The following KIAA0586 variants were observed in gnomAD, a reference collection of about 807,000 sequenced individuals.
The protein encoded by KIAA0586 is protein TALPID3.
Under a neutral mutation model 169.8 loss-of-function variants are expected in KIAA0586, and 144 were observed. That is an observed-to-expected ratio of 0.85 (90% CI 0.74 to 0.97). The LOEUF (loss-of-function observed/expected upper bound fraction) is 0.97. Ranked by LOEUF, KIAA0586 falls within the 50% of genes least tolerant of loss-of-function variation. KIAA0586 has a pLI of 0.00. For missense variants in KIAA0586, 1,854 were observed against 1,823.0 expected (o/e 1.02, Z -0.31); for synonymous variants, 625 against 612.4 (o/e 1.02, Z -0.30).
chr14:58,544,093 C>T lies in KIAA0586; in HGVS notation c.4496-3688C>T. On this transcript the variant is annotated intron_variant, in intron 30 of 30. Coordinates refer to ENST00000652326, the MANE Select transcript of KIAA0586 (RefSeq NM_001329943.3). Reference sequence around the variant, plus strand: ...GTTCATGAGTTATCATCATTTAGTTCCCACTTATAAGTGAGAACATGCAGT... The same window carrying T: ...GTTCATGAGTTATCATCATTTAGTTTCCACTTATAAGTGAGAACATGCAGT... 1.3e-5 allele frequency: 4 copies of T among 299,894 alleles called. 1 individual carries two copies. The highest frequency in any genetic ancestry group is 1.2e-4 in the South Asian group (4 of 34,506). The allele number at this position is 299,894 out of a possible 1,614,324, so 18.6% of individuals were successfully genotyped here.
At chr14:58,435,935 C>G (rs974476724) in intron 4 of KIAA0586, among the ~76,000 whole-genome samples, 1 of 152,144 alleles carries the variant, frequency 6.6e-6, no homozygotes. Flanking sequence ...TCTCAAACTC[C>G]TGACCTTAGG....
chr14:58,501,040 T>G (rs563794732), intron 27 of KIAA0586, among the ~76,000 whole-genome samples: 1 of 152,232 alleles, frequency 6.6e-6, no homozygotes, highest in Admixed American at 6.5e-5. Flanking sequence ...TTTGCAAATA[T>G]GTAATTTACA....
At position 58,484,890 on chromosome 14, in the gene KIAA0586, T is replaced by TTATATATATATATTTATATATATTTTTA. The variant is rs1194531919; in HGVS notation, c.3145-2104_3145-2103insTTATATATATTTTTATATATATATATAT. Among the ~76,000 whole-genome samples, 72 of 32,270 alleles carry TTATATATATATATTTATATATATTTTTA rather than the reference T, an allele frequency of 2.2e-3. 5 individuals are homozygous for TTATATATATATATTTATATATATTTTTA. Among genetic ancestry groups the TTATATATATATATTTATATATATTTTTA allele is most frequent in the South Asian group, 4.7e-3 (4 of 844 alleles). The allele number at this position is 32,270 out of a possible 152,430, so 21.2% of individuals were successfully genotyped here. ...AATTTTATATATATTATATATATATTTATATATATATATATATATATATAT... is the reference window on the plus strand; with the variant it reads ...AATTTTATATATATTATATATATATTTATATATATATATTTATATATATTTTTATATATATATATATATATATATATAT... On this transcript the variant is annotated intron_variant, in intron 21 of 30. Coordinates refer to ENST00000652326, the MANE Select transcript of KIAA0586 (RefSeq NM_001329943.3).
chr14:58,537,258 C>A, intron 29 of KIAA0586: 4 of 850,818 alleles, frequency 4.7e-6, no homozygotes, highest in South Asian at 4.8e-5. Context: ...AGACGTATCA[C>A]TGCAGAAGTC....
At chr14:58,440,399 T>A (rs2038222910) in intron 4 of KIAA0586, among the ~76,000 whole-genome samples, 2 of 152,184 alleles carry the variant, frequency 1.3e-5, no homozygotes, top group African/African-American at 4.8e-5. Context: ...TGGTGTGATC[T>A]CTGCTCACTG....
At chr14:58,561,274 C>G in the KIAA0586 span, among the ~76,000 whole-genome samples, 1 of 152,110 alleles carries the variant, frequency 6.6e-6, no homozygotes, top group Non-Finnish European at 1.5e-5. Context: ...CTTTTTCTTG[C>G]TATACATTTA....
Position 58,534,209 on chromosome 14 carries a change from A to G in KIAA0586, c.4430-5862A>G, listed in dbSNP as rs77149050. Among the ~76,000 whole-genome samples, 502 of 152,314 alleles carry G rather than the reference A, an allele frequency of 3.3e-3. 6 individuals carry two copies. The highest frequency in any genetic ancestry group is 0.012 in the African/African-American group (481 of 41,568). On this transcript the variant is annotated intron_variant, in intron 29 of 30. Coordinates refer to ENST00000652326, the MANE Select transcript of KIAA0586 (RefSeq NM_001329943.3). ...AGAGGCACTTAGCTTCAAACTGCTTAGTAAATATTAGGGAGTTACTTTGCC... is the reference window on the plus strand; with the variant it reads ...AGAGGCACTTAGCTTCAAACTGCTTGGTAAATATTAGGGAGTTACTTTGCC...
intron 27 of KIAA0586, among the ~76,000 whole-genome samples, chr14:58,502,512 A>G (rs1473231387): frequency 6.6e-6 from 1 of 152,170 alleles, no homozygotes; most frequent in Non-Finnish European, 1.5e-5. Flanking sequence ...GATAACACAG[A>G]CCAATCATGG....
intron 26 of KIAA0586, among the ~76,000 whole-genome samples, chr14:58,493,598 T>A (rs2042960122): frequency 6.6e-6 from 1 of 152,130 alleles, no homozygotes; most frequent in African/African-American, 2.4e-5. Context: ...AAACTTTAAA[T>A]GATTAGGAAA....
intron 26 of KIAA0586, among the ~76,000 whole-genome samples, chr14:58,494,052 A>G (rs2042994562): frequency 6.6e-6 from 1 of 151,976 alleles, no homozygotes; most frequent in Non-Finnish European, 1.5e-5. Context: ...ATTGTATCAG[A>G]CGTTTTTATC....
In KIAA0586 at chr14:58,432,433, C is replaced by A. The variant is rs763868912; in HGVS notation, c.386C>A (p.Ala129Asp). 2 of 1,568,332 alleles carry A rather than the reference C, an allele frequency of 1.3e-6. No individual in the cohort carries two copies. Among genetic ancestry groups the A allele is most frequent in the Admixed American group, 1.9e-5 (1 of 52,418 alleles). The change falls in exon 4 of 31, where the codon GCT (alanine) becomes GAT (aspartate). Residue 129 changes from alanine (A) to aspartate (D), a missense_variant. Physicochemically the swap from Ala to Asp is moderately radical, Grantham distance 126 (BLOSUM62 -2). Coordinates refer to ENST00000652326, the MANE Select transcript of KIAA0586 (RefSeq NM_001329943.3). Reference protein sequence around the residue: ...ISQYTMGQKDALRTVLKQKAQ... With the variant: ...ISQYTMGQKDDLRTVLKQKAQ... ...CAGTATACAATGGGACAGAAAGATG[C>A]TCTAAGAACAGTTTTAAAGCAAAAG...
At chr14:58,437,204 G>A (rs1333217763) in intron 4 of KIAA0586, among the ~76,000 whole-genome samples, 1 of 152,098 alleles carries the variant, frequency 6.6e-6, no homozygotes, top group East Asian at 1.9e-4. Flanking sequence ...AAGATGATTA[G>A]GAGATTGAAT....
intron 28 of KIAA0586, among the ~76,000 whole-genome samples, chr14:58,512,206 A>G (rs1195109042): frequency 6.6e-6 from 1 of 152,196 alleles, no homozygotes; most frequent in Non-Finnish European, 1.5e-5. Context: ...AATCCATTAT[A>G]TGTATATAAA....
At chr14:58,443,917 A>G (rs1359100789) in intron 5 of KIAA0586, 37 bp from the exon 6 acceptor site, 1 of 1,276,242 alleles carries the variant, frequency 7.8e-7, no homozygotes, top group Non-Finnish European at 1.1e-6. Context: ...TTGGTATCCT[A>G]TAATGTGAAT....
At chr14:58,528,248 AAT>A (rs1352078255) in intron 29 of KIAA0586, among the ~76,000 whole-genome samples, 2 of 152,196 alleles carry the variant, frequency 1.3e-5, no homozygotes, top group African/African-American at 2.4e-5. Context: ...CCCACACAAT[AAT>A]AGTGGGAGAC....
chr14:58,459,909 G>A lies in KIAA0586; in HGVS notation c.1723G>A (p.Gly575Ser). ...FDQKNQRTKK[G>S]QNMTKDIRTN... Reference sequence around the variant, plus strand: ...TCAGAAGAATCAGAGAACCAAGAAAGGTCAGAATATGACTAAAGATATTAG... The same window carrying A: ...TCAGAAGAATCAGAGAACCAAGAAAAGTCAGAATATGACTAAAGATATTAG... The change falls in exon 13 of 31, where the codon GGT (glycine) becomes AGT (serine). Residue 575 changes from glycine to serine, a missense_variant. Gly to Ser is a moderately conservative substitution (Grantham distance 56, BLOSUM62 0). Coordinates refer to ENST00000652326, the MANE Select transcript of KIAA0586 (RefSeq NM_001329943.3). The A allele has an allele frequency of 6.5e-7, 1 of 1,533,838 alleles. No individual in the cohort carries two copies. Among genetic ancestry groups the A allele is most frequent in the Non-Finnish European group, 8.7e-7 (1 of 1,145,610 alleles).
chr14:58,453,319 G>A (rs1329097833), intron 8 of KIAA0586, 31 bp from the exon 9 acceptor site: 4 of 1,124,474 alleles, frequency 3.6e-6, no homozygotes, highest in South Asian at 1.7e-5. Context: ...ATTAGTATTT[G>A]GAAAATGATA....
rs377332917 is a variant in KIAA0586, at chr14:58,487,950, C to T, written c.3368C>T (p.Pro1123Leu). 1.2e-6 allele frequency: 2 copies of T among 1,613,700 alleles called. No individual in the cohort carries two copies. Among genetic ancestry groups the T allele is most frequent in the African/African-American group, 2.7e-5 (2 of 74,912 alleles). ...TPTVTPTTTPPPAAAVFTPTL... is the reference protein window; with the variant it reads ...TPTVTPTTTPLPAAAVFTPTL... The stretch of plus-strand genomic sequence containing the variant: ...ACAGTTACCCCTACTACTACACCTC[C>T]TCCAGCGGCGGCAGTTTTTACCCCA... The change falls in exon 23 of 31, where the codon CCT becomes CTT. Residue 1123 changes from proline (P) to leucine (L), a missense_variant. By Grantham distance (98) the Pro-to-Leu change is moderately conservative (BLOSUM62 -3). Coordinates refer to ENST00000652326, the MANE Select transcript of KIAA0586 (RefSeq NM_001329943.3).
In KIAA0586 at chr14:58,429,415, T is replaced by C; in HGVS notation, c.252T>C (p.Asn84=). Residue 84 remains asparagine (N), a synonymous_variant, in exon 2 of 31, where the codon AAT becomes AAC. Transcript: ENST00000652326. ...ATTGTTACCAGCCTCTATTAGAAAA[T>C]CCCATGGTGTCAGAAAGTGTAAGCA... ...ARNCYQPLLE[N]PMVSESDFSK... is the part of the protein sequence containing the mutation. 1 of 1,592,082 alleles carries C rather than the reference T, an allele frequency of 6.3e-7. No homozygotes were observed. Among genetic ancestry groups the C allele is most frequent in the Non-Finnish European group, 8.6e-7 (1 of 1,160,264 alleles).
Sources: gnomAD v4.1 joint callset for allele counts (sites outside exome capture counted in the v4.1 genomes callset) on GRCh38, gnomAD v4.1.1 for gene constraint, MANE v1.5 for transcripts, NCBI Gene and HGNC (gene_info 2026-07-23, HGNC 2026-07-21) for gene names.